KCNK4: variants seen among roughly 807,000 people sequenced by gnomAD.
KCNK4 encodes the protein potassium channel subfamily K member 4.
Under a neutral mutation model 28.8 loss-of-function variants are expected in KCNK4, and 22 were observed. That is an observed-to-expected ratio of 0.76 (90% CI 0.55 to 1.09). KCNK4 has a LOEUF of 1.09. Among genes scored for constraint, KCNK4 ranks in the 50% least tolerant of loss-of-function variants. KCNK4 has a pLI of 0.00. For missense variants in KCNK4, 483 were observed against 546.3 expected (o/e 0.88, Z 1.15); for synonymous variants, 263 against 252.9 (o/e 1.04, Z -0.38).
rs775736273 is a variant in KCNK4, at chr11:64,299,507, G to GC, written c.969dup (p.Glu324ArgfsTer104). The GC allele has an allele frequency of 6.8e-6, 11 of 1,608,316 alleles. No individual in the cohort carries two copies. Among genetic ancestry groups the GC allele is most frequent in the Non-Finnish European group, 9.3e-6 (11 of 1,178,436 alleles). On this transcript the variant is annotated frameshift_variant, in exon 7 of 7. Transcript: ENST00000422670. LOFTEE classifies it high-confidence loss of function. ...CGCTGGGCAGGCCCCGATCCCCTTCGCCCCCCGAGAAGGCTCAGCCGCCTT... is the reference window on the plus strand; with the variant it reads ...CGCTGGGCAGGCCCCGATCCCCTTCGCCCCCCCGAGAAGGCTCAGCCGCCTT...
intron 1 of KCNK4, chr11:64,291,940 G>A (rs950256974): frequency 2.3e-5 from 19 of 822,136 alleles, no homozygotes; most frequent in Non-Finnish European, 2.8e-5. Context: ...CCGAGGCGTC[G>A]CTGTGCGGAC....
At chr11:64,294,922 C>T (rs1233849133) in intron 2 of KCNK4, among the ~76,000 whole-genome samples, 2 of 152,108 alleles carry the variant, frequency 1.3e-5, no homozygotes. Flanking sequence ...GGGAGGGAAT[C>T]TGACCTAGTT....
At chr11:64,294,533 A>AAG (rs1468566891) in intron 2 of KCNK4, among the ~76,000 whole-genome samples, 1 of 151,438 alleles carries the variant, frequency 6.6e-6, no homozygotes, top group African/African-American at 2.4e-5. Context: ...AAAAAAAAAA[A>AAG]AAAGAAAGTG....
intron 5 of KCNK4, 114 bp downstream of exon 5, chr11:64,297,767 A>C (rs1174083546): frequency 9.3e-7 from 1 of 1,069,774 alleles, no homozygotes; most frequent in African/African-American, 1.6e-5. Context: ...CCCTGCATCC[A>C]TCATGGAATG....
chr11:64,292,987 G>A lies in KCNK4; in HGVS notation c.-32G>A, dbSNP rs2034674443. 2.0e-6 allele frequency: 3 copies of A among 1,519,362 alleles called. No homozygotes were observed. Among genetic ancestry groups the A allele is most frequent in the African/African-American group, 2.8e-5 (2 of 71,814 alleles). 94.1% of individuals were successfully genotyped at this position (1,519,362 alleles called of 1,614,324 possible). ...CCCCCCGCCCGGCCCCTCCAGGCGG[G>A]CAGTGGAGCTGGCCCGGCGCCTGGG... On this transcript the variant is annotated 5_prime_UTR_variant, in exon 2 of 7. Coordinates refer to ENST00000422670, the MANE Select transcript of KCNK4 (RefSeq NM_033310.3).
Position 64,299,354 on chromosome 11 carries a change from C to G in KCNK4, c.810C>G (p.Gly270=). The change falls in exon 7 of 7, where the codon GGC becomes GGG. Residue 270 remains glycine, a synonymous_variant. Coordinates refer to ENST00000422670, the MANE Select transcript of KCNK4 (RefSeq NM_033310.3). ...VSRRTRAEMG[G]LTAQAASWTG... ...TTTCCCTCTCCGTGCAGATGGGCGG[C>G]CTCACGGCTCAGGCTGCCAGCTGGA... is the stretch of plus-strand genomic sequence containing the variant. The G allele has an allele frequency of 1.3e-6, 2 of 1,557,502 alleles. No homozygotes were observed. Among genetic ancestry groups the G allele is most frequent in the Non-Finnish European group, 1.7e-6 (2 of 1,154,264 alleles).
In KCNK4 at chr11:64,295,014, G is replaced by A. The variant is rs967571368; in HGVS notation, c.189+1807G>A. Among the ~76,000 whole-genome samples the A allele has an allele frequency of 6.3e-4, 96 of 152,212 alleles. 1 individual carries two copies. The highest frequency in any genetic ancestry group is 1.9e-4 in the Non-Finnish European group (13 of 68,042). ...GCAGGACCTAGAAGGGTGGGTGACA[G>A]CCGCTTTATTTCTCTTCCACAGTAG... On this transcript the variant is annotated intron_variant, in intron 2 of 6. Transcript: ENST00000422670.
chr11:64,297,609 T>C lies in KCNK4; in HGVS notation c.617T>C (p.Val206Ala). 1 of 1,614,028 alleles carries C rather than the reference T, an allele frequency of 6.2e-7. No homozygotes were observed. The highest frequency in any genetic ancestry group is 1.1e-5 in the South Asian group (1 of 91,080). Residue 206 changes from valine to alanine, a missense_variant, in exon 5 of 7, where the codon GTC becomes GCC. Physicochemically the swap from Val to Ala is moderately conservative, Grantham distance 64. Transcript: ENST00000422670. ...DWSKLEAIYF[V>A]IVTLTTVGFG... Reference sequence around the variant, plus strand: ...AGCAAGCTGGAGGCCATCTACTTTGTCATAGTGACGCTTACCACCGTGGGC... The same window carrying C: ...AGCAAGCTGGAGGCCATCTACTTTGCCATAGTGACGCTTACCACCGTGGGC...
chr11:64,299,580 T>G lies in KCNK4; in HGVS notation c.1036T>G (p.Phe346Val). 1 of 1,609,870 alleles carries G rather than the reference T, an allele frequency of 6.2e-7. No homozygotes were observed. The highest frequency in any genetic ancestry group is 8.5e-7 in the Non-Finnish European group (1 of 1,178,906). ...GGATTATCCCAGCGAGAACCTGGCC[T>G]TCATCGACGAGTCCTCGGATACGCA... ...ALDYPSENLA[F>V]IDESSDTQSE... Residue 346 changes from phenylalanine to valine, a missense_variant, in exon 7 of 7, where the codon TTC becomes GTC. Transcript: ENST00000422670.
Position 64,297,536 on chromosome 11 carries a change from C to T in KCNK4, c.544C>T (p.Leu182Phe), listed in dbSNP as rs148768242. The T allele has an allele frequency of 9.3e-6, 15 of 1,614,082 alleles. No individual in the cohort carries two copies. Among genetic ancestry groups the T allele is most frequent in the Non-Finnish European group, 1.3e-5 (15 of 1,180,040 alleles). The stretch of plus-strand genomic sequence containing the variant: ...GCTTTTCCTGCTGATCGGCTGCCTG[C>T]TCTTTGTCCTCACGCCCACGTTCGT... The part of the protein sequence containing the change: ...AMLFLLIGCL[L>F]FVLTPTFVFC... The change falls in exon 5 of 7, where the codon CTC becomes TTC. Residue 182 changes from leucine (L) to phenylalanine (F), a missense_variant. Physicochemically the swap from Leu to Phe is conservative, Grantham distance 22. Transcript: ENST00000422670.
intron 1 of KCNK4, 79 bp from the exon 2 acceptor site, chr11:64,292,863 G>A: frequency 7.3e-7 from 1 of 1,371,526 alleles, no homozygotes; most frequent in Non-Finnish European, 9.5e-7. Flanking sequence ...ATGGATCTTT[G>A]GGTGTGTAGG....
At chr11:64,296,195 A>G (rs1373049271) in intron 2 of KCNK4, 1 of 152,080 alleles carries the variant, frequency 6.6e-6, no homozygotes, top group Non-Finnish European at 1.5e-5. Flanking sequence ...ACTGCAGCAC[A>G]GGGTTTGGCT....
At position 64,293,067 on chromosome 11, in the gene KCNK4, T is replaced by G; in HGVS notation, c.49T>G (p.Leu17Val). ...LALLALVLLY[L>V]VSGALVFRAL... ...CCTGCTGGCGCTGGTCTTGCTTTACTTGGTGTCTGGTGCCCTGGTGTTCCG... is the reference window on the plus strand; with the variant it reads ...CCTGCTGGCGCTGGTCTTGCTTTACGTGGTGTCTGGTGCCCTGGTGTTCCG... Residue 17 changes from leucine (L) to valine (V), a missense_variant, in exon 2 of 7, where the codon TTG becomes GTG. By Grantham distance (32) the Leu-to-Val change is conservative (BLOSUM62 1). Coordinates refer to ENST00000422670, the MANE Select transcript of KCNK4 (RefSeq NM_033310.3). 6.5e-7 allele frequency: 1 copy of G among 1,549,080 alleles called. No individual in the cohort carries two copies. The highest frequency in any genetic ancestry group is 8.7e-7 in the Non-Finnish European group (1 of 1,146,130).
intron 2 of KCNK4, among the ~76,000 whole-genome samples, chr11:64,296,540 C>T (rs1168943131): frequency 6.6e-6 from 1 of 152,140 alleles, no homozygotes; most frequent in Non-Finnish European, 1.5e-5. Context: ...AGAGAGTTCA[C>T]TTGCTCAAGT....
At position 64,294,324 on chromosome 11, in the gene KCNK4, C is replaced by T. The variant is rs200933286; in HGVS notation, c.189+1117C>T. ...CCTGAGGTCAGGAGTTCAAGACCAG[C>T]CTGGCCAATGTGGCAAAACCCCATC... is the stretch of plus-strand genomic sequence containing the variant. On this transcript the variant is annotated intron_variant, in intron 2 of 6. Coordinates refer to ENST00000422670, the MANE Select transcript of KCNK4 (RefSeq NM_033310.3). 2.0e-3 allele frequency among the ~76,000 whole-genome samples: 306 copies of T among 152,112 alleles called. 5 individuals carry two copies. The highest frequency in any genetic ancestry group is 0.015 in the South Asian group (71 of 4,810).
chr11:64,297,354 G>T (rs2034797455), intron 4 of KCNK4, 75 bp downstream of exon 4: 2 of 1,573,108 alleles, frequency 1.3e-6, no homozygotes, highest in Admixed American at 1.8e-5. Flanking sequence ...GCACATGAGC[G>T]CGCCCCCAAA....
At chr11:64,291,998 G>A in intron 1 of KCNK4, 1 of 1,182,070 alleles carries the variant, frequency 8.5e-7, no homozygotes, top group Non-Finnish European at 1.1e-6. Context: ...CGGTGGCCCT[G>A]CTGTCTGGCG....
intron 2 of KCNK4, among the ~76,000 whole-genome samples, chr11:64,293,475 A>AATG (rs1555075851): frequency 2.0e-5 from 3 of 151,142 alleles, no homozygotes; most frequent in Non-Finnish European, 3.0e-5. Flanking sequence ...GATGAGGGGG[A>AATG]AATGAATGAA....
chr11:64,299,396 G>T lies in KCNK4; in HGVS notation c.852G>T (p.Ala284=), dbSNP rs755931043. 6.4e-7 allele frequency: 1 copy of T among 1,573,324 alleles called. No individual in the cohort carries two copies. Among genetic ancestry groups the T allele is most frequent in the Admixed American group, 1.8e-5 (1 of 54,802 alleles). ...QAASWTGTVT[A]RVTQRAGPAA... is the part of the protein sequence containing the mutation. ...CCAGCTGGACTGGCACGGTGACAGCGCGCGTGACCCAGCGAGCCGGGCCCG... is the reference window on the plus strand; with the variant it reads ...CCAGCTGGACTGGCACGGTGACAGCTCGCGTGACCCAGCGAGCCGGGCCCG... The change falls in exon 7 of 7, where the codon GCG becomes GCT. Residue 284 remains alanine, a synonymous_variant. Transcript: ENST00000422670.
Sources: gnomAD v4.1 joint callset for allele counts (sites outside exome capture counted in the v4.1 genomes callset) on GRCh38, gnomAD v4.1.1 for gene constraint, MANE v1.5 for transcripts, NCBI Gene and HGNC (gene_info 2026-07-23, HGNC 2026-07-21) for gene names.